Variants in EGFR observed in about 807,000 individuals in gnomAD.
EGFR encodes epidermal growth factor receptor.
Under a neutral mutation model 143.0 loss-of-function variants are expected in EGFR, and 58 were observed. The observed-to-expected ratio is 0.41, with a 90% confidence interval of 0.33 to 0.50. The LOEUF (loss-of-function observed/expected upper bound fraction) is 0.50. Ranked by LOEUF, EGFR falls within the 20% of genes least tolerant of loss-of-function variation. The probability of loss-of-function intolerance (pLI) is 0.39; values close to 1 mark genes in which losing one functional copy is unlikely to be tolerated. For synonymous variants in EGFR, 613 were observed against 594.4 expected (o/e 1.03, Z -0.45); for missense variants, 1,307 against 1,579.0 (o/e 0.83, Z 2.92).
intron 1 of EGFR, among the ~76,000 whole-genome samples, chr7:55,032,251 A>T (rs1014555246): frequency 6.6e-6 from 1 of 152,200 alleles, no homozygotes; most frequent in African/African-American, 2.4e-5. Context: ...TGAAATGTAG[A>T]CATCAAACAT....
At position 55,154,152 on chromosome 7, in the gene EGFR, C is replaced by T. The variant is rs751667358; in HGVS notation, c.889C>T (p.Arg297Cys). The T allele has an allele frequency of 2.5e-6, 4 of 1,614,116 alleles. No homozygotes were observed. Among genetic ancestry groups the T allele is most frequent in the Non-Finnish European group, 3.4e-6 (4 of 1,180,050 alleles). ...FGATCVKKCP[R>C]NYVVTDHGSC... ...TGCCACCTGCGTGAAGAAGTGTCCC[C>T]GTGAGTCCTCCTCTGTGGGCCCTCT... The change falls in exon 7 of 28, where the codon CGT becomes TGT. Residue 297 changes from arginine to cysteine, a missense_variant and splice_region_variant. Coordinates refer to ENST00000275493, the MANE Select transcript of EGFR (RefSeq NM_005228.5).
At chr7:55,073,527 C>T (rs1789953914) in intron 1 of EGFR, among the ~76,000 whole-genome samples, 2 of 152,188 alleles carry the variant, frequency 1.3e-5, no homozygotes, top group Admixed American at 1.3e-4. Context: ...TTGCAGCTCA[C>T]ATTTTGTATA....
At chr7:55,141,692 T>G (rs530222783) in intron 1 of EGFR, among the ~76,000 whole-genome samples, 1 of 152,378 alleles carries the variant, frequency 6.6e-6, no homozygotes, top group East Asian at 1.9e-4. Context: ...TTTACACTTT[T>G]GTCCCTGATT....
intron 1 of EGFR, among the ~76,000 whole-genome samples, chr7:55,112,108 G>A (rs1792535798): frequency 6.6e-6 from 1 of 152,228 alleles, no homozygotes; most frequent in East Asian, 1.9e-4. Flanking sequence ...CTCACCGGAA[G>A]CAGGGCAGCA....
intron 27 of EGFR, among the ~76,000 whole-genome samples, chr7:55,203,366 A>G (rs900895543): frequency 6.7e-6 from 1 of 149,898 alleles, no homozygotes; most frequent in Non-Finnish European, 1.5e-5. Context: ...TACACCATGC[A>G]TACATACACA....
chr7:55,040,389 G>T (rs541044855), intron 1 of EGFR, among the ~76,000 whole-genome samples: 14 of 152,284 alleles, frequency 9.2e-5, no homozygotes, highest in East Asian at 1.9e-4. Flanking sequence ...GGAAGGTGGG[G>T]TTGGAAGATC....
intron 1 of EGFR, among the ~76,000 whole-genome samples, chr7:55,052,866 G>A (rs1788571148): frequency 6.6e-6 from 1 of 152,134 alleles, no homozygotes; most frequent in African/African-American, 2.4e-5. Context: ...GAAGGCAGGA[G>A]CTCGCACAGC....
intron 22 of EGFR, among the ~76,000 whole-genome samples, chr7:55,198,300 G>C (rs993986014): frequency 2.0e-5 from 3 of 152,090 alleles, no homozygotes; most frequent in African/African-American, 7.2e-5. Context: ...TTACAGCCCT[G>C]TTCAGAATCT....
intron 12 of EGFR, 39 bp downstream of exon 12, chr7:55,160,377 C>T (rs747985164): frequency 6.3e-7 from 1 of 1,590,604 alleles, no homozygotes; most frequent in Non-Finnish European, 8.6e-7. Flanking sequence ...GGAGTTGGTT[C>T]TAATGGGTCC....
intron 1 of EGFR, among the ~76,000 whole-genome samples, chr7:55,120,616 C>T (rs1793143296): frequency 6.6e-6 from 1 of 152,130 alleles, no homozygotes; most frequent in South Asian, 2.1e-4. Flanking sequence ...CAGCTCCATC[C>T]GGGCGGAGAC....
intron 1 of EGFR, among the ~76,000 whole-genome samples, chr7:55,055,704 G>A (rs1002445117): frequency 9.2e-6 from 1 of 108,384 alleles, no homozygotes; most frequent in Admixed American, 1.1e-4. Context: ...CCTCTTGCAC[G>A]CACACACACA....
At chr7:55,203,669 AT>A (rs1236865698) in intron 27 of EGFR, among the ~76,000 whole-genome samples, 1 of 137,000 alleles carries the variant, frequency 7.3e-6, no homozygotes, top group East Asian at 2.0e-4. Flanking sequence ...ACACACACAC[AT>A]ACACACACCA....
intron 1 of EGFR, among the ~76,000 whole-genome samples, chr7:55,059,009 C>A (rs532805100): frequency 2.6e-5 from 4 of 152,154 alleles, no homozygotes; most frequent in Non-Finnish European, 4.4e-5. Context: ...GAATTGTAAT[C>A]CTTTTTCTGT....
At chr7:55,191,678 A>G (rs775727905) in intron 20 of EGFR, 41 bp from the exon 21 acceptor site, 5 of 1,612,430 alleles carry the variant, frequency 3.1e-6, no homozygotes, top group East Asian at 4.5e-5. Flanking sequence ...GCTTCTTCCC[A>G]TGATGATCTG....
At chr7:55,178,496 G>A (rs1326370650) in intron 19 of EGFR, among the ~76,000 whole-genome samples, 4 of 152,158 alleles carry the variant, frequency 2.6e-5, no homozygotes, top group Admixed American at 2.0e-4. Flanking sequence ...GTGAGCAGTG[G>A]GCCATGGAGG....
Position 55,173,053 on chromosome 7 carries a change from A to G in EGFR, c.1990A>G (p.Ile664Val), listed in dbSNP as rs756705853. The G allele has an allele frequency of 2.5e-6, 4 of 1,613,736 alleles. No individual in the cohort carries two copies. The highest frequency in any genetic ancestry group is 3.4e-6 in the Non-Finnish European group (4 of 1,180,004). The change falls in exon 17 of 28, where the codon ATC (isoleucine) becomes GTC (valine). Residue 664 changes from isoleucine (I) to valine (V), a missense_variant. Ile to Val is a conservative substitution (Grantham distance 29). Coordinates refer to ENST00000275493, the MANE Select transcript of EGFR (RefSeq NM_005228.5). Reference protein sequence around the residue: ...LLLLLVVALGIGLFMRRRHIV... With the variant: ...LLLLLVVALGVGLFMRRRHIV... Reference sequence around the variant, plus strand: ...CTTGCTGCTGGTGGTGGCCCTGGGGATCGGCCTCTTCATGCGAAGGCGCCA... The same window carrying G: ...CTTGCTGCTGGTGGTGGCCCTGGGGGTCGGCCTCTTCATGCGAAGGCGCCA...
intron 4 of EGFR, among the ~76,000 whole-genome samples, chr7:55,150,380 T>TCA (rs2128931737): frequency 6.6e-6 from 1 of 152,262 alleles, no homozygotes; most frequent in South Asian, 2.1e-4. Context: ...CCTTCATGTC[T>TCA]CTAAGGAGCA....
intron 1 of EGFR, among the ~76,000 whole-genome samples, chr7:55,140,111 G>GT (rs1416542841): frequency 1.3e-5 from 2 of 151,758 alleles, no homozygotes; most frequent in Non-Finnish European, 2.9e-5. Context: ...CACAAGTACA[G>GT]TTTTTTTAAA....
rs528593747 is a variant in EGFR, at chr7:55,072,149, G to A, written c.88+52784G>A. Among the ~76,000 whole-genome samples, 40 of 151,240 alleles carry A rather than the reference G, an allele frequency of 2.6e-4. 1 individual carries two copies. The Middle Eastern group carries it at 0.014, about 52-fold the overall frequency. ...TGACCTGCAGGGAAGTAAGTTAAAT[G>A]CACACGTTTTATCAAGTTCAAATGC... is the stretch of plus-strand genomic sequence containing the variant. On this transcript the variant is annotated intron_variant, in intron 1 of 27. Transcript: ENST00000275493.
Sources: allele counts gnomAD v4.1 joint callset (sites outside exome capture counted in the v4.1 genomes callset), GRCh38; gene constraint gnomAD v4.1.1; transcripts MANE v1.5; gene names NCBI Gene and HGNC (gene_info 2026-07-23, HGNC 2026-07-21).